Variants in HCN1 observed in about 807,000 individuals in gnomAD.
HCN1 encodes the protein potassium/sodium hyperpolarization-activated cyclic nucleotide-gated channel 1.
In HCN1, 13 loss-of-function variants were observed where a neutral mutation model predicts 78.9. The observed-to-expected ratio is 0.16, with a 90% CI of 0.11 to 0.26. HCN1 has a LOEUF of 0.26. Ranked by LOEUF, HCN1 falls within the 10% of genes least tolerant of loss-of-function variation. The pLI, the probability that HCN1 is intolerant of heterozygous loss-of-function variation, is 1.00. For missense variants in HCN1, 810 were observed against 1,154.3 expected, an observed-to-expected ratio of 0.70 and a Z score of 4.32; for synonymous variants, 552 against 455.5, an observed-to-expected ratio of 1.21 and a Z score of -2.70.
intron 5 of HCN1, among the ~76,000 whole-genome samples, chr5:45,344,510 C>T (rs1476978304): frequency 6.6e-6 from 1 of 152,162 alleles, no homozygotes; most frequent in African/African-American, 2.4e-5. Context: ...CCTGCAAACT[C>T]AAAAGCACAT....
rs112269838 is a variant in HCN1 at position 45,335,885 on chromosome 5, G to A, written c.1377+17215C>T. Among the ~76,000 whole-genome samples the A allele has an allele frequency of 2.0e-4, 30 of 152,150 alleles. 1 individual carries two copies. The highest frequency in any genetic ancestry group is 6.3e-4 in the African/African-American group (26 of 41,522). ...CAGAGTTGAACATCTAGTTAGTAGC[G>A]GAGCTGGATTTAAATGAGGCTTGTG... On this transcript the variant is annotated intron_variant, in intron 5 of 7. Coordinates refer to ENST00000303230, the MANE Select transcript of HCN1 (RefSeq NM_021072.4).
intron 2 of HCN1, among the ~76,000 whole-genome samples, chr5:45,589,104 G>A (rs7712920): frequency 0.27 from 40,557 of 152,016 alleles, 5,522 homozygotes; most frequent in East Asian, 0.32. Context: ...AAGAGAGAGG[G>A]TAACCTTAAA....
chr5:45,431,809 C>T (rs372018457), intron 3 of HCN1, among the ~76,000 whole-genome samples: 7 of 152,002 alleles, frequency 4.6e-5, no homozygotes, highest in African/African-American at 1.4e-4. Context: ...TTTTTTGTAG[C>T]GCCACCATAC....
chr5:45,374,144 T>TA (rs541294819), intron 4 of HCN1, among the ~76,000 whole-genome samples: 1,074 of 78,204 alleles, frequency 0.014, 23 homozygotes, highest in African/African-American at 0.05. Context: ...TATATACATA[T>TA]TATATATAAT....
chr5:45,427,735 T>A lies in HCN1; in HGVS notation c.1012-31025A>T, dbSNP rs1206561658. 2.0e-5 allele frequency among the ~76,000 whole-genome samples: 3 copies of A among 152,278 alleles called. No homozygotes were observed. In the East Asian group the frequency reaches 5.8e-4, roughly 29 times the overall value. Reference sequence around the variant, plus strand: ...AAATTGCTTTTATTTGTTCTTGTGCTTGTTGACTATAGTTATTGATAACAT... The same window carrying A: ...AAATTGCTTTTATTTGTTCTTGTGCATGTTGACTATAGTTATTGATAACAT... On this transcript the variant is annotated intron_variant, in intron 3 of 7. Transcript: ENST00000303230.
At chr5:45,521,159 T>C (rs1215109435) in intron 2 of HCN1, among the ~76,000 whole-genome samples, 2 of 151,598 alleles carry the variant, frequency 1.3e-5, no homozygotes, top group South Asian at 2.1e-4. Flanking sequence ...GATAAATATA[T>C]AGAGAGAGCA....
chr5:45,463,663 A>G (rs1489379847), intron 2 of HCN1, among the ~76,000 whole-genome samples: 1 of 152,034 alleles, frequency 6.6e-6, no homozygotes. Flanking sequence ...CTCTACTAAC[A>G]ATTTCATCAA....
chr5:45,622,856 G>A (rs1400396552), intron 2 of HCN1, among the ~76,000 whole-genome samples: 5 of 152,110 alleles, frequency 3.3e-5, no homozygotes, highest in Non-Finnish European at 7.4e-5. Flanking sequence ...GTAAGTAGTC[G>A]ATAGAACAAT....
intron 4 of HCN1, among the ~76,000 whole-genome samples, chr5:45,359,249 T>C (rs1358968517): frequency 2.0e-5 from 3 of 152,034 alleles, no homozygotes; most frequent in Non-Finnish European, 1.5e-5. Flanking sequence ...CTTCCCATTG[T>C]ATTAGAGGGG....
chr5:45,276,319 T>C (rs1745057420), intron 6 of HCN1, among the ~76,000 whole-genome samples: 1 of 152,130 alleles, frequency 6.6e-6, no homozygotes, highest in South Asian at 2.1e-4. Flanking sequence ...AATGGATTCA[T>C]TAGTGCAGTG....
intron 1 of HCN1, among the ~76,000 whole-genome samples, chr5:45,692,928 T>A (rs538107997): frequency 1.3e-5 from 2 of 152,306 alleles, no homozygotes; most frequent in East Asian, 3.9e-4. Context: ...CCTCTGGATA[T>A]CTTCATTTGT....
intron 3 of HCN1, among the ~76,000 whole-genome samples, chr5:45,416,114 T>C (rs985594585): frequency 2.6e-5 from 4 of 152,130 alleles, no homozygotes; most frequent in Middle Eastern, 6.8e-3. Flanking sequence ...TTGATATATG[T>C]ATAGCAGATA....
intron 2 of HCN1, chr5:45,559,670 C>T (rs1468647836): frequency 6.6e-6 from 1 of 152,186 alleles, no homozygotes; most frequent in Non-Finnish European, 1.5e-5. Flanking sequence ...AGTGAAGATG[C>T]TGTGAACATT....
At chr5:45,509,204 C>A (rs1259553981) in intron 2 of HCN1, among the ~76,000 whole-genome samples, 1 of 152,026 alleles carries the variant, frequency 6.6e-6, no homozygotes, top group African/African-American at 2.4e-5. Flanking sequence ...TAGGAGTGCA[C>A]CTCATAGCAG....
intron 3 of HCN1, among the ~76,000 whole-genome samples, chr5:45,449,688 T>G (rs1204058561): frequency 6.6e-6 from 1 of 152,088 alleles, no homozygotes; most frequent in Non-Finnish European, 1.5e-5. Flanking sequence ...ATATGACACC[T>G]GGTCTTCTCC....
chr5:45,367,392 A>T (rs1014936571), intron 4 of HCN1, among the ~76,000 whole-genome samples: 11 of 151,876 alleles, frequency 7.2e-5, no homozygotes, highest in Non-Finnish European at 1.5e-4. Flanking sequence ...CAGAAATATG[A>T]ATTTCTGAAT....
chr5:45,556,578 C>A lies in HCN1; in HGVS notation c.849+88607G>T, dbSNP rs541754884. 5.3e-5 allele frequency among the ~76,000 whole-genome samples: 8 copies of A among 151,966 alleles called. No homozygotes were observed. In the East Asian group the frequency reaches 1.6e-3, roughly 30 times the overall value. On this transcript the variant is annotated intron_variant, in intron 2 of 7. Transcript: ENST00000303230. ...ACATTCATCCTTACATTCCTAGATT[C>A]CTTCTTCCATTTTCTCCATTCCTAT...
At chr5:45,327,178 A>G (rs1046612693) in intron 5 of HCN1, among the ~76,000 whole-genome samples, 7 of 151,574 alleles carry the variant, frequency 4.6e-5, no homozygotes, top group Non-Finnish European at 7.4e-5. Context: ...TTTGCCCAAT[A>G]GGAGTTAAGT....
At chr5:45,636,251 T>C (rs1745355525) in intron 2 of HCN1, among the ~76,000 whole-genome samples, 1 of 152,156 alleles carries the variant, frequency 6.6e-6, no homozygotes, top group African/African-American at 2.4e-5. Flanking sequence ...AAGTAACCCA[T>C]GCTTATTATA....
Sources: gnomAD v4.1 joint callset for allele counts (sites outside exome capture counted in the v4.1 genomes callset) on GRCh38, gnomAD v4.1.1 for gene constraint, MANE v1.5 for transcripts, NCBI Gene and HGNC (gene_info 2026-07-23, HGNC 2026-07-21) for gene names.